DNAH7: variants seen among roughly 807,000 people sequenced by gnomAD.
The protein encoded by DNAH7 is dynein axonemal heavy chain 7.
DNAH7 carries 397 observed loss-of-function variants against 444.6 expected under a neutral mutation model. That is an observed-to-expected ratio of 0.89 (90% CI 0.82 to 0.97). The LOEUF (loss-of-function observed/expected upper bound fraction) is 0.97, where lower values mean the gene tolerates loss of function less well. Ranked by LOEUF, DNAH7 falls within the 50% of genes least tolerant of loss-of-function variation. The pLI, the probability that DNAH7 is intolerant of heterozygous loss-of-function variation, is 0.00. For synonymous variants in DNAH7, 1,636 were observed against 1,624.4 expected, an observed-to-expected ratio of 1.01 and a Z score of -0.17; for missense variants, 4,902 against 4,800.8, an observed-to-expected ratio of 1.02 and a Z score of -0.62.
chr2:195,781,491 T>C (rs1367486259), intron 58 of DNAH7, among the ~76,000 whole-genome samples: 2 of 152,162 alleles, frequency 1.3e-5, no homozygotes, highest in South Asian at 2.1e-4. Flanking sequence ...TTGGTGGGCA[T>C]GTAGATTACT....
intron 1 of DNAH7, among the ~76,000 whole-genome samples, chr2:196,058,446 A>G (rs1024089283): frequency 2.0e-5 from 3 of 152,218 alleles, no homozygotes; most frequent in Admixed American, 6.5e-5. Flanking sequence ...GGACTCTCCC[A>G]GGCCTATCCC....
intron 5 of DNAH7, among the ~76,000 whole-genome samples, chr2:196,043,952 AGTG>A (rs1696933923): frequency 6.6e-6 from 1 of 150,654 alleles, no homozygotes; most frequent in African/African-American, 2.4e-5. Context: ...TTACACTGCT[AGTG>A]GGAATGTAAA....
intron 19 of DNAH7, among the ~76,000 whole-genome samples, chr2:195,947,081 T>TTA (rs1012593401): frequency 2.0e-5 from 3 of 148,220 alleles, no homozygotes; most frequent in Middle Eastern, 3.6e-3. Flanking sequence ...ATAAAGCCAA[T>TTA]TATATATATA....
At chr2:195,965,894 A>T (rs1691439571) in intron 17 of DNAH7, among the ~76,000 whole-genome samples, 1 of 150,816 alleles carries the variant, frequency 6.6e-6, no homozygotes, top group South Asian at 2.1e-4. Flanking sequence ...TATCAATTTT[A>T]TTTTTTCAAA....
chr2:195,949,419 G>A (rs1456423543), intron 19 of DNAH7, among the ~76,000 whole-genome samples: 3 of 151,978 alleles, frequency 2.0e-5, no homozygotes, highest in African/African-American at 4.8e-5. Context: ...GAGTAGCTGG[G>A]ACTACAGTCA....
intron 28 of DNAH7, among the ~76,000 whole-genome samples, chr2:195,898,413 T>G (rs1686470959): frequency 6.6e-6 from 1 of 152,238 alleles, no homozygotes; most frequent in African/African-American, 2.4e-5. Context: ...ACACTTCTTA[T>G]CAACATCTTA....
At chr2:195,968,166 G>C (rs1204784463) in intron 17 of DNAH7, among the ~76,000 whole-genome samples, 6 of 152,158 alleles carry the variant, frequency 3.9e-5, no homozygotes, top group African/African-American at 4.8e-5. Context: ...CCTAGGCCTG[G>C]ACTTGGGGGC....
chr2:195,936,987 T>A (rs1488816794), intron 19 of DNAH7, among the ~76,000 whole-genome samples, 195 bp from the exon 20 acceptor site: 1 of 152,126 alleles, frequency 6.6e-6, no homozygotes. Flanking sequence ...AAAGTCACAT[T>A]GATTTAATCC....
At chr2:195,908,926 G>A (rs1343028411) in intron 25 of DNAH7, among the ~76,000 whole-genome samples, 1 of 152,144 alleles carries the variant, frequency 6.6e-6, no homozygotes. Context: ...GCATGGGTGA[G>A]GGTTGGTATA....
intron 61 of DNAH7, among the ~76,000 whole-genome samples, chr2:195,761,025 A>AT (rs1450197599): frequency 1.3e-5 from 2 of 152,170 alleles, no homozygotes; most frequent in Non-Finnish European, 2.9e-5. Flanking sequence ...GGAGATACAG[A>AT]TATGTGACCT....
intron 24 of DNAH7, among the ~76,000 whole-genome samples, chr2:195,912,565 C>A (rs1192788111): frequency 3.3e-5 from 5 of 152,156 alleles, no homozygotes; most frequent in Admixed American, 6.5e-5. Flanking sequence ...GAGGCTGAAG[C>A]AAAAGCCACC....
intron 53 of DNAH7, 152 bp from the exon 54 acceptor site, chr2:195,806,984 A>T (rs1006830251): frequency 1.6e-5 from 9 of 560,256 alleles, no homozygotes; most frequent in South Asian, 5.7e-5. Context: ...ATTATAAAAT[A>T]AATAATAATA....
intron 21 of DNAH7, among the ~76,000 whole-genome samples, chr2:195,927,776 A>G (rs1358454780): frequency 6.6e-6 from 1 of 151,796 alleles, no homozygotes; most frequent in East Asian, 1.9e-4. Flanking sequence ...TAACATATAT[A>G]TGTAGTAGCC....
chr2:195,956,837 C>T (rs542523077), intron 19 of DNAH7, among the ~76,000 whole-genome samples: 3 of 152,114 alleles, frequency 2.0e-5, no homozygotes, highest in Admixed American at 1.3e-4. Flanking sequence ...CCTTGCAACT[C>T]ATCTTTTTTT....
intron 19 of DNAH7, among the ~76,000 whole-genome samples, chr2:195,946,017 C>T (rs538223056): frequency 4.8e-4 from 73 of 152,280 alleles, no homozygotes; most frequent in African/African-American, 1.7e-3. Flanking sequence ...AGGAAACTGA[C>T]ATCTTTCCTA....
intron 55 of DNAH7, among the ~76,000 whole-genome samples, chr2:195,797,547 A>G (rs1028949039): frequency 6.6e-6 from 1 of 152,220 alleles, no homozygotes; most frequent in African/African-American, 2.4e-5. Context: ...TATAAAAGCA[A>G]CTAGGAGGGG....
chr2:196,053,211 AG>A (rs2125869525), intron 2 of DNAH7, among the ~76,000 whole-genome samples: 1 of 152,350 alleles, frequency 6.6e-6, no homozygotes, highest in East Asian at 1.9e-4. Flanking sequence ...CCTGAATAAA[AG>A]GTAGGGGAAG....
At chr2:195,804,407 C>T (rs1025189208) in intron 54 of DNAH7, among the ~76,000 whole-genome samples, 1 of 152,156 alleles carries the variant, frequency 6.6e-6, no homozygotes. Flanking sequence ...TAACGGCATA[C>T]TAACAATTAT....
chr2:195,744,252 C>T lies in DNAH7; in HGVS notation c.11765-3383G>A, dbSNP rs1009469270. Among the ~76,000 whole-genome samples, 5 of 152,320 alleles carry T rather than the reference C, an allele frequency of 3.3e-5. No individual in the cohort carries two copies. The South Asian group carries it at 6.2e-4, about 19-fold the overall frequency. On this transcript the variant is annotated intron_variant, in intron 63 of 64. Transcript: ENST00000312428. ...GGAGGGGCCTACGCCCACGGAGTCTCGCTGATTGCTAGCACAGCAGTCTGA... is the reference window on the plus strand; with the variant it reads ...GGAGGGGCCTACGCCCACGGAGTCTTGCTGATTGCTAGCACAGCAGTCTGA...
Sources: allele counts gnomAD v4.1 joint callset (sites outside exome capture counted in the v4.1 genomes callset), GRCh38; gene constraint gnomAD v4.1.1; transcripts MANE v1.5; gene names NCBI Gene and HGNC (gene_info 2026-07-23, HGNC 2026-07-21).